The following CTDP1 variants were observed in gnomAD, a reference collection of about 807,000 sequenced individuals.
CTDP1 encodes RNA polymerase II subunit A C-terminal domain phosphatase.
CTDP1 carries 47 observed loss-of-function variants against 91.8 expected under a neutral mutation model. The ratio of observed to expected loss-of-function variants is 0.51; its 90% CI spans 0.41 to 0.65. The LOEUF is 0.65. Among genes scored for constraint, CTDP1 ranks in the 30% least tolerant of loss-of-function variants. The pLI is 0.00. For synonymous variants in CTDP1, 656 were observed against 598.5 expected, an observed-to-expected ratio of 1.10 and a Z score of -1.40; for missense variants, 1,272 against 1,373.7, an observed-to-expected ratio of 0.93 and a Z score of 1.17.
At chr18:79,720,006 CGTT>C (rs1428704047) in intron 10 of CTDP1, among the ~76,000 whole-genome samples, 3 of 125,960 alleles carry the variant, frequency 2.4e-5, no homozygotes, top group Non-Finnish European at 3.3e-5. Context: ...CATCTCCTGT[CGTT>C]AGGAAGGCGT....
chr18:79,733,594 C>T lies in CTDP1; in HGVS notation c.2581-2761C>T, dbSNP rs373717556. Among the ~76,000 whole-genome samples the T allele has an allele frequency of 4.0e-3, 613 of 152,068 alleles. 7 individuals carry two copies. Among genetic ancestry groups the T allele is most frequent in the African/African-American group, 0.014 (561 of 41,538 alleles). On this transcript the variant is annotated intron_variant, in intron 11 of 12. Coordinates refer to ENST00000613122, the MANE Select transcript of CTDP1 (RefSeq NM_004715.5). ...CGCTGCCTCTCCAGCTGCGTTACCTCGTTTCTGCGTGTTCTGCTGGGCCCC... is the reference window on the plus strand; with the variant it reads ...CGCTGCCTCTCCAGCTGCGTTACCTTGTTTCTGCGTGTTCTGCTGGGCCCC...
At chr18:79,755,138 A>G (rs524643), downstream of CTDP1, 141,519 of 152,172 alleles carry the variant, frequency 0.93, 66,622 homozygotes, top group East Asian at 1. Context: ...AGAGGACCCC[A>G]GGGTCCTGGT....
chr18:79,709,912 G>A (rs2086045937), intron 5 of CTDP1, among the ~76,000 whole-genome samples: 3 of 152,156 alleles, frequency 2.0e-5, no homozygotes, highest in Admixed American at 6.5e-5. Flanking sequence ...ACCCGCCTGG[G>A]GTTAGGAAAG....
At chr18:79,720,735 A>G (rs566696517) in intron 10 of CTDP1, among the ~76,000 whole-genome samples, 107 of 152,240 alleles carry the variant, frequency 7.0e-4, no homozygotes, top group African/African-American at 2.5e-3. Context: ...TAGCTCTTCG[A>G]GGCCAGCAGG....
intron 12 of CTDP1, among the ~76,000 whole-genome samples, chr18:79,738,187 C>T (rs1014550672): frequency 2.1e-4 from 32 of 152,236 alleles, no homozygotes; most frequent in Admixed American, 9.8e-4. Context: ...CCCCAGGTGG[C>T]AGCATCTCCT....
chr18:79,718,866 G>A (rs893012600), intron 10 of CTDP1, among the ~76,000 whole-genome samples: 2 of 152,188 alleles, frequency 1.3e-5, no homozygotes, highest in Non-Finnish European at 2.9e-5. Context: ...ATCCTGTGAC[G>A]GGTACAGAAT....
chr18:79,726,243 TTCC>T (rs1424777164), intron 10 of CTDP1, among the ~76,000 whole-genome samples: 1 of 152,268 alleles, frequency 6.6e-6, no homozygotes, highest in Non-Finnish European at 1.5e-5. Context: ...GTTCACAGCC[TTCC>T]TCTGTCTCCT....
upstream of CTDP1, chr18:79,677,300 TTTAA>T (rs1321056185): frequency 6.6e-6 from 1 of 152,070 alleles, no homozygotes; most frequent in Non-Finnish European, 1.5e-5. Context: ...TTTTACAGAG[TTTAA>T]TTGAGCAAAG....
intron 2 of CTDP1, among the ~76,000 whole-genome samples, 154 bp downstream of exon 2, chr18:79,695,462 A>G (rs1036502080): frequency 6.6e-6 from 1 of 152,148 alleles, no homozygotes; most frequent in Admixed American, 6.5e-5. Context: ...AGTCACACTC[A>G]ATGGGTTTCC....
At chr18:79,741,708 C>A (rs925567455) in intron 12 of CTDP1, among the ~76,000 whole-genome samples, 1 of 152,224 alleles carries the variant, frequency 6.6e-6, no homozygotes, top group Non-Finnish European at 1.5e-5. Flanking sequence ...GTGGGAGACA[C>A]AGGGCGGCAG....
At chr18:79,753,096 A>T (rs1446601381) in intron 12 of CTDP1, among the ~76,000 whole-genome samples, 1 of 148,902 alleles carries the variant, frequency 6.7e-6, no homozygotes, top group East Asian at 2.0e-4. Context: ...GGTTATGCAG[A>T]GGCTCGTAAG....
rs375028761 is a variant in CTDP1, at chr18:79,751,259, G to T, written c.2748-2393G>T. ...GAGGACAGGCCGGGGAGGGAGGGAG[G>T]CTGGGCACACAGGGCAGGCCAGGGA... On this transcript the variant is annotated intron_variant, in intron 12 of 12. Coordinates refer to ENST00000613122, the MANE Select transcript of CTDP1 (RefSeq NM_004715.5). Among the ~76,000 whole-genome samples the T allele has an allele frequency of 4.3e-3, 625 of 146,440 alleles. 2 individuals are homozygous for T. Among genetic ancestry groups the T allele is most frequent in the Middle Eastern group, 0.014 (4 of 276 alleles).
chr18:79,741,366 C>T (rs984693698), intron 12 of CTDP1, among the ~76,000 whole-genome samples: 1 of 152,218 alleles, frequency 6.6e-6, no homozygotes, highest in Non-Finnish European at 1.5e-5. Flanking sequence ...ACCATAGCCT[C>T]TTTCTTCAGA....
intron 12 of CTDP1, among the ~76,000 whole-genome samples, chr18:79,747,866 G>T (rs2086912682): frequency 6.6e-6 from 1 of 152,190 alleles, no homozygotes; most frequent in Admixed American, 6.5e-5. Context: ...TTAGATGCTG[G>T]TGTGACACAA....
rs767858229 is a variant in CTDP1 at position 79,697,961 on chromosome 18, G to A, written c.594G>A (p.Glu198=). ...ACCAGACGTTGATTCACACAACCGA[G>A]CAGCACTGTCAGCAGATGTCGAATA... ...DLDQTLIHTT[E]QHCQQMSNKG... is the part of the protein sequence containing the mutation. Residue 198 remains glutamate (E), a synonymous_variant, in exon 4 of 13, where the codon GAG becomes GAA. Coordinates refer to ENST00000613122, the MANE Select transcript of CTDP1 (RefSeq NM_004715.5). 1 of 1,614,244 alleles carries A rather than the reference G, an allele frequency of 6.2e-7. No homozygotes were observed. Among genetic ancestry groups the A allele is most frequent in the South Asian group, 1.1e-5 (1 of 91,086 alleles).
chr18:79,743,564 G>T (rs1319583093), intron 12 of CTDP1, among the ~76,000 whole-genome samples: 1 of 149,948 alleles, frequency 6.7e-6, no homozygotes, highest in Non-Finnish European at 1.5e-5. Context: ...ACAAAGTGAG[G>T]AGTCTGAGTG....
chr18:79,713,736 T>A lies in CTDP1; in HGVS notation c.1030+598T>A, dbSNP rs1310737497. On this transcript the variant is annotated intron_variant, in intron 7 of 12. Transcript: ENST00000613122. This position sits in a 1 kb window ranked among gnomAD's most constrained non-coding sequence, Gnocchi z 4.7. ...CAGGGGAGGGTGAAACTAGGGGCAT[T>A]CCTGTAGAAGGTAGAGACTTTCACC... is the stretch of plus-strand genomic sequence containing the variant. 6.6e-6 allele frequency among the ~76,000 whole-genome samples: 1 copy of A among 152,232 alleles called. No homozygotes were observed. Among genetic ancestry groups the A allele is most frequent in the African/African-American group, 2.4e-5 (1 of 41,462 alleles).
At position 79,697,354 on chromosome 18, in the gene CTDP1, C is replaced by T. The variant is rs141031669; in HGVS notation, c.493-506C>T. ...GACCGGGCCCTTGTTAGGAGCTCCACTCTGGGCCCCGCGTGGAGGGACACC... is the reference window on the plus strand; with the variant it reads ...GACCGGGCCCTTGTTAGGAGCTCCATTCTGGGCCCCGCGTGGAGGGACACC... On this transcript the variant is annotated intron_variant, in intron 3 of 12. Transcript: ENST00000613122. 9.2e-4 allele frequency among the ~76,000 whole-genome samples: 140 copies of T among 152,330 alleles called. 1 individual carries two copies. Among genetic ancestry groups the T allele is most frequent in the South Asian group, 3.7e-3 (18 of 4,828 alleles).
chr18:79,720,052 C>G (rs111764226), intron 10 of CTDP1, among the ~76,000 whole-genome samples: 1 of 114,372 alleles, frequency 8.7e-6, no homozygotes, highest in Non-Finnish European at 1.8e-5. Context: ...ATTAGGAAGG[C>G]GTCCTGGTGA....
Sources: allele counts gnomAD v4.1 joint callset (sites outside exome capture counted in the v4.1 genomes callset), GRCh38; gene constraint gnomAD v4.1.1; non-coding constraint Gnocchi (gnomAD v3.1); transcripts MANE v1.5; gene names NCBI Gene and HGNC (gene_info 2026-07-23, HGNC 2026-07-21).